The following ZNF385D variants were observed in gnomAD, a reference collection of about 807,000 sequenced individuals.
The protein encoded by ZNF385D is zinc finger protein 385D, also known as zinc finger protein 659.
Under a neutral mutation model 35.8 loss-of-function variants are expected in ZNF385D, and 15 were observed. That is an observed-to-expected ratio of 0.42 (90% confidence interval 0.28 to 0.64). The LOEUF (loss-of-function observed/expected upper bound fraction) is 0.64, where lower values mean the gene tolerates loss of function less well. ZNF385D is among the 30% of genes least tolerant of loss of function. The pLI is 0.23. For missense variants in ZNF385D, 474 were observed against 494.6 expected (o/e 0.96, Z 0.39); for synonymous variants, 212 against 186.8 (o/e 1.13, Z -1.10).
intron 1 of ZNF385D, among the ~76,000 whole-genome samples, chr3:21,685,665 G>A (rs915931806): frequency 6.6e-6 from 1 of 152,112 alleles, no homozygotes; most frequent in African/African-American, 2.4e-5. Flanking sequence ...GAATAGCATG[G>A]CTCATAAAAA....
chr3:21,559,217 A>G (rs2062852205), intron 3 of ZNF385D, among the ~76,000 whole-genome samples: 1 of 152,008 alleles, frequency 6.6e-6, no homozygotes, highest in Admixed American at 6.6e-5. Context: ...TTATGATGCT[A>G]GTTGGTTATT....
At chr3:21,944,986 T>A (rs745634117) in intron 3 of ZNF385D, among the ~76,000 whole-genome samples, 5 of 152,102 alleles carry the variant, frequency 3.3e-5, no homozygotes, top group Non-Finnish European at 7.4e-5. Context: ...CCTATCAATA[T>A]GAATCATTTG....
At chr3:21,880,674 G>A (rs906925410) in intron 3 of ZNF385D, among the ~76,000 whole-genome samples, 17 of 151,896 alleles carry the variant, frequency 1.1e-4, no homozygotes, top group South Asian at 4.1e-4. Flanking sequence ...CATTTCTCAC[G>A]TTAAGTCAAA....
chr3:21,551,278 G>A (rs961521061), intron 3 of ZNF385D, among the ~76,000 whole-genome samples: 1 of 152,162 alleles, frequency 6.6e-6, no homozygotes, highest in South Asian at 2.1e-4. Context: ...CTGCCCTCCC[G>A]TGACCAGATG....
At position 22,007,403 on chromosome 3, in the gene ZNF385D, T is replaced by C. The variant is rs910577845; in HGVS notation, c.325+161414A>G. Among the ~76,000 whole-genome samples the C allele has an allele frequency of 2.6e-5, 4 of 152,226 alleles. 1 individual carries two copies. The highest frequency in any genetic ancestry group is 9.6e-5 in the African/African-American group (4 of 41,472). On this transcript the variant is annotated intron_variant, in intron 3 of 5. Transcript: ENST00000494108. ...AATCAGACTTTTATGGATATTTATT[T>C]AGTTTGTTTTCCAAATTTGCAATTT...
At chr3:21,448,880 A>G (rs1265026441) in intron 4 of ZNF385D, among the ~76,000 whole-genome samples, 1 of 152,144 alleles carries the variant, frequency 6.6e-6, no homozygotes, top group Non-Finnish European at 1.5e-5. Flanking sequence ...AAAATTTGCC[A>G]AACTATGTAT....
chr3:21,555,215 G>GTT (rs35875777), intron 3 of ZNF385D, among the ~76,000 whole-genome samples: 22 of 141,166 alleles, frequency 1.6e-4, no homozygotes, highest in Non-Finnish European at 2.5e-4. Context: ...GGCAATTGTA[G>GTT]TTTTTTTTTT....
At chr3:22,151,310 A>C (rs1705217066) in intron 3 of ZNF385D, among the ~76,000 whole-genome samples, 1 of 152,158 alleles carries the variant, frequency 6.6e-6, no homozygotes, top group Admixed American at 6.5e-5. Context: ...GAATCAGAGA[A>C]AGAGAGAAAG....
chr3:21,543,552 C>T (rs763145040), intron 3 of ZNF385D, among the ~76,000 whole-genome samples: 3 of 152,174 alleles, frequency 2.0e-5, no homozygotes, highest in African/African-American at 4.8e-5. Context: ...CAAGCGTCTG[C>T]AGCCTTCCCC....
chr3:22,144,610 TCAAA>T (rs1004391350), intron 3 of ZNF385D, among the ~76,000 whole-genome samples: 1 of 144,004 alleles, frequency 6.9e-6, no homozygotes, highest in African/African-American at 2.5e-5. Flanking sequence ...AGAACGCCTT[TCAAA>T]CACTTACTTT....
At chr3:22,258,848 T>A (rs1350171069) in intron 2 of ZNF385D, among the ~76,000 whole-genome samples, 2 of 151,820 alleles carry the variant, frequency 1.3e-5, no homozygotes, top group African/African-American at 4.8e-5. Flanking sequence ...TGTTTTATAG[T>A]TGTGAAAATC....
chr3:21,634,978 C>A (rs897101668), intron 2 of ZNF385D, among the ~76,000 whole-genome samples: 1 of 151,952 alleles, frequency 6.6e-6, no homozygotes, highest in Non-Finnish European at 1.5e-5. Context: ...AGGAACAAAC[C>A]GTGATTTCCT....
intron 3 of ZNF385D, among the ~76,000 whole-genome samples, chr3:22,064,669 A>G (rs748233543): frequency 1.3e-5 from 2 of 152,210 alleles, no homozygotes; most frequent in African/African-American, 2.4e-5. Context: ...CCTTACGCTA[A>G]GTGAAATAAG....
At chr3:21,792,769 A>G (rs1559626597) in intron 3 of ZNF385D, among the ~76,000 whole-genome samples, 1 of 152,182 alleles carries the variant, frequency 6.6e-6, no homozygotes, top group Admixed American at 6.5e-5. Context: ...TTCAATGTCC[A>G]GATTCTTAAG....
At chr3:21,998,284 CT>C (rs1220995699) in intron 3 of ZNF385D, among the ~76,000 whole-genome samples, 3 of 152,160 alleles carry the variant, frequency 2.0e-5, no homozygotes, top group Non-Finnish European at 2.9e-5. Context: ...TGTCTATGGA[CT>C]AGCCATTTTG....
At chr3:22,175,170 T>C (rs1488181668) in intron 2 of ZNF385D, among the ~76,000 whole-genome samples, 1 of 151,914 alleles carries the variant, frequency 6.6e-6, no homozygotes, top group Non-Finnish European at 1.5e-5. Flanking sequence ...CTTGACCAGC[T>C]CATAAAATGA....
At chr3:21,490,933 G>C (rs2125405623) in intron 4 of ZNF385D, among the ~76,000 whole-genome samples, 1 of 119,378 alleles carries the variant, frequency 8.4e-6, no homozygotes, top group Admixed American at 9.7e-5. Context: ...GGCTGAATTT[G>C]TGACTCTCTA....
At chr3:22,187,142 T>A (rs188235606) in intron 2 of ZNF385D, among the ~76,000 whole-genome samples, 1 of 152,278 alleles carries the variant, frequency 6.6e-6, no homozygotes, top group Admixed American at 6.5e-5. Flanking sequence ...AACAAATTCT[T>A]CAAAAATTTC....
At chr3:21,770,967 T>C (rs1243253696) in intron 3 of ZNF385D, among the ~76,000 whole-genome samples, 1 of 151,948 alleles carries the variant, frequency 6.6e-6, no homozygotes, top group East Asian at 1.9e-4. Context: ...GAAACCATCA[T>C]TCTCAGCAAA....
Sources: gnomAD v4.1 joint callset for allele counts (sites outside exome capture counted in the v4.1 genomes callset) on GRCh38, gnomAD v4.1.1 for gene constraint, MANE v1.5 for transcripts, NCBI Gene and HGNC (gene_info 2026-07-23, HGNC 2026-07-21) for gene names.